The following TEX14 variants were observed in gnomAD, a reference collection of about 807,000 sequenced individuals.
TEX14 encodes the protein testis expressed 14, intercellular bridge forming factor, also known as inactive serine/threonine-protein kinase TEX14.
In TEX14, 168 loss-of-function variants were observed where a neutral mutation model predicts 178.6. The ratio of observed to expected loss-of-function variants is 0.94; its 90% CI spans 0.83 to 1.07. TEX14 has a LOEUF of 1.07. Ranked by LOEUF, TEX14 falls within the 50% of genes least tolerant of loss-of-function variation. TEX14 has a pLI of 0.00. For missense variants in TEX14, 1,730 were observed against 1,753.6 expected (o/e 0.99, Z 0.24); for synonymous variants, 626 against 634.1 (o/e 0.99, Z 0.19).
At chr17:58,578,032 C>T (rs559333841) in intron 20 of TEX14, among the ~76,000 whole-genome samples, 2 of 152,298 alleles carry the variant, frequency 1.3e-5, no homozygotes, top group South Asian at 4.1e-4. Flanking sequence ...GGCCAGTATC[C>T]ATTTTCCTTC....
chr17:58,626,832 C>T (rs2046156148), intron 3 of TEX14, among the ~76,000 whole-genome samples: 1 of 152,162 alleles, frequency 6.6e-6, no homozygotes, highest in African/African-American at 2.4e-5. Context: ...GATCGCACCA[C>T]TGCACTCCAC....
chr17:58,561,098 G>A lies in TEX14; in HGVS notation c.4157+422C>T, dbSNP rs541166305. 8.5e-5 allele frequency among the ~76,000 whole-genome samples: 13 copies of A among 152,302 alleles called. No homozygotes were observed. In the South Asian group the frequency reaches 2.7e-3, roughly 32 times the overall value. On this transcript the variant is annotated intron_variant, in intron 29 of 31. Coordinates refer to ENST00000349033, the MANE Select transcript of TEX14 (RefSeq NM_031272.5). ...AGGTCTCACACATTCTGTAATTTTG[G>A]ATCTTTGACCTTTATCTTTTACAGA... is the stretch of plus-strand genomic sequence containing the variant.
intron 2 of TEX14, among the ~76,000 whole-genome samples, chr17:58,640,148 T>C (rs1159877785): frequency 6.6e-6 from 1 of 151,826 alleles, no homozygotes; most frequent in Non-Finnish European, 1.5e-5. Context: ...CTGTCTCTAC[T>C]AAAAATACAA....
chr17:58,671,085 T>G (rs1298631911), intron 1 of TEX14, among the ~76,000 whole-genome samples: 1 of 152,178 alleles, frequency 6.6e-6, no homozygotes, highest in Non-Finnish European at 1.5e-5. Flanking sequence ...TGAAACTTTC[T>G]TGCATTTTCC....
intron 3 of TEX14, among the ~76,000 whole-genome samples, chr17:58,627,911 A>AT (rs1234016735): frequency 9.7e-6 from 1 of 103,242 alleles, no homozygotes; most frequent in Non-Finnish European, 2.0e-5. Context: ...CCCCCATGCC[A>AT]CCTTTTTTTT....
At chr17:58,677,673 T>C (rs761107314) in intron 1 of TEX14, 34 of 152,124 alleles carry the variant, frequency 2.2e-4, no homozygotes, top group Non-Finnish European at 4.0e-4. Context: ...CAGAATGCAA[T>C]GAGTGAACCT....
At chr17:58,581,773 G>GT (rs1567717882) in intron 19 of TEX14, 1 of 1,597,554 alleles carries the variant, frequency 6.3e-7, no homozygotes, top group Non-Finnish European at 8.5e-7. Context: ...GCTGTTCATT[G>GT]TAACGAAATC....
chr17:58,585,732 G>A, intron 18 of TEX14, 69 bp downstream of exon 18: 12 of 1,487,860 alleles, frequency 8.1e-6, no homozygotes, highest in East Asian at 2.6e-5. Flanking sequence ...TGGAATTACA[G>A]GCTGAGCCAC....
intron 2 of TEX14, among the ~76,000 whole-genome samples, chr17:58,640,644 T>TGTGTGTGAGA (rs1555577606): frequency 3.3e-4 from 49 of 147,142 alleles, no homozygotes; most frequent in South Asian, 2.0e-3. Flanking sequence ...TGTGTGTGTG[T>TGTGTGTGAGA]GAGAGAGAGA....
At chr17:58,559,826 C>T (rs1015203019) in intron 29 of TEX14, among the ~76,000 whole-genome samples, 4 of 152,302 alleles carry the variant, frequency 2.6e-5, no homozygotes, top group African/African-American at 4.8e-5. Context: ...AGTTAAATTA[C>T]ACACCTAATA....
At chr17:58,644,978 T>A in intron 2 of TEX14, among the ~76,000 whole-genome samples, 1 of 150,298 alleles carries the variant, frequency 6.7e-6, no homozygotes, top group East Asian at 2.0e-4. Flanking sequence ...GTATTCTTTT[T>A]TTTTTCTTAA....
intron 2 of TEX14, among the ~76,000 whole-genome samples, chr17:58,632,664 C>A (rs1187167691): frequency 6.6e-6 from 1 of 152,156 alleles, no homozygotes; most frequent in Non-Finnish European, 1.5e-5. Flanking sequence ...GCAAACGTAA[C>A]CGCACAGCTC....
chr17:58,584,673 G>T, intron 18 of TEX14, 73 bp from the exon 19 acceptor site: 3 of 1,235,958 alleles, frequency 2.4e-6, no homozygotes, highest in Non-Finnish European at 3.6e-6. Flanking sequence ...GATAAAGGTG[G>T]CATGAAAGAA....
intron 2 of TEX14, chr17:58,631,773 C>A (rs1032352958): frequency 6.6e-6 from 1 of 152,070 alleles, no homozygotes; most frequent in African/African-American, 2.4e-5. Context: ...TTCCAGCGTT[C>A]TACACGTTCA....
intron 28 of TEX14, among the ~76,000 whole-genome samples, chr17:58,562,839 A>C (rs907948503): frequency 6.8e-6 from 1 of 146,032 alleles, no homozygotes; most frequent in African/African-American, 2.5e-5. Context: ...TGGGAGTCCC[A>C]GTTGGGTGGA....
At chr17:58,671,598 G>A (rs1442126956) in intron 1 of TEX14, among the ~76,000 whole-genome samples, 1 of 152,086 alleles carries the variant, frequency 6.6e-6, no homozygotes, top group Non-Finnish European at 1.5e-5. Flanking sequence ...TCCATTAAAA[G>A]CCAGCCCCAG....
At chr17:58,662,425 A>T (rs1267528395) in intron 1 of TEX14, among the ~76,000 whole-genome samples, 3 of 149,118 alleles carry the variant, frequency 2.0e-5, no homozygotes, top group African/African-American at 4.9e-5. Flanking sequence ...TCACACACAC[A>T]CACACACACA....
intron 24 of TEX14, among the ~76,000 whole-genome samples, chr17:58,570,976 C>T (rs900454499): frequency 1.3e-5 from 2 of 151,984 alleles, no homozygotes; most frequent in Admixed American, 6.6e-5. Context: ...CAGTACTTAC[C>T]GCTGTGTTAC....
rs1483571508 is a variant in TEX14, at chr17:58,605,144, T to A, written c.1185-15A>T. On this transcript the variant is annotated splice_polypyrimidine_tract_variant and intron_variant, in intron 10 of 31. Transcript: ENST00000349033. ...CTCTGTCCTCGCTACGGAAGGAAAC[T>A]CACAAGTCAGCGCTCATGCCTTAAA... The A allele has an allele frequency of 6.2e-7, 1 of 1,612,924 alleles. No homozygotes were observed. Among genetic ancestry groups the A allele is most frequent in the South Asian group, 1.1e-5 (1 of 91,006 alleles).
Sources: allele counts gnomAD v4.1 joint callset (sites outside exome capture counted in the v4.1 genomes callset), GRCh38; gene constraint gnomAD v4.1.1; transcripts MANE v1.5; gene names NCBI Gene and HGNC (gene_info 2026-07-23, HGNC 2026-07-21).